Variants in SCHIP1 observed in about 807,000 individuals in gnomAD.
SCHIP1 encodes the protein schwannomin interacting protein 1, also known as schwannomin-interacting protein 1.
A neutral mutation model predicts 29.7 loss-of-function variants in SCHIP1; 8 were observed. The ratio of observed to expected loss-of-function variants is 0.27; its 90% confidence interval spans 0.16 to 0.49. SCHIP1 has a LOEUF of 0.49. SCHIP1 is among the 20% of genes least tolerant of loss of function. SCHIP1 has a pLI of 0.99. For synonymous variants in SCHIP1, 76 were observed against 94.9 expected (o/e 0.80, Z 1.16); for missense variants, 193 against 294.6 (o/e 0.66, Z 2.52).
chr3:159,379,730 T>A, the SCHIP1 span, among the ~76,000 whole-genome samples: 1 of 152,124 alleles, frequency 6.6e-6, no homozygotes, highest in South Asian at 2.1e-4. Flanking sequence ...GCAATGTTGA[T>A]CTCAACCACA....
chr3:159,849,342 A>T (rs1472198679), intron 1 of SCHIP1, among the ~76,000 whole-genome samples: 1 of 152,206 alleles, frequency 6.6e-6, no homozygotes, highest in African/African-American at 2.4e-5. Flanking sequence ...AAATTAAAGT[A>T]AAAAGATACT....
the SCHIP1 span, among the ~76,000 whole-genome samples, chr3:159,779,940 C>A: frequency 2.6e-5 from 4 of 151,916 alleles, no homozygotes; most frequent in African/African-American, 9.7e-5. Flanking sequence ...TTGGAAATAC[C>A]CTCCTCTATA....
chr3:159,584,839 T>C, the SCHIP1 span, among the ~76,000 whole-genome samples: 39 of 152,046 alleles, frequency 2.6e-4, no homozygotes, highest in African/African-American at 8.7e-4. Flanking sequence ...CCTAGGTAGT[T>C]TGCTCTCATC....
At chr3:159,845,242 A>G (rs1711623598) in intron 1 of SCHIP1, among the ~76,000 whole-genome samples, 1 of 152,076 alleles carries the variant, frequency 6.6e-6, no homozygotes, top group Non-Finnish European at 1.5e-5. Flanking sequence ...CTCAAATGCC[A>G]CCTCCTTCAG....
chr3:159,523,240 T>G, the SCHIP1 span, among the ~76,000 whole-genome samples: 1 of 152,242 alleles, frequency 6.6e-6, no homozygotes, highest in Non-Finnish European at 1.5e-5. Flanking sequence ...TCTCAATATT[T>G]TCAGATATCC....
the SCHIP1 span, among the ~76,000 whole-genome samples, chr3:159,289,136 C>T: frequency 2.6e-5 from 4 of 152,306 alleles, no homozygotes; most frequent in East Asian, 1.9e-4. Flanking sequence ...CCTAAGCCAC[C>T]GTCATCTCTC....
At chr3:159,360,473 C>T in the SCHIP1 span, among the ~76,000 whole-genome samples, 4 of 152,134 alleles carry the variant, frequency 2.6e-5, no homozygotes, top group East Asian at 1.9e-4. Context: ...AATCATTGGT[C>T]TTTTCTCTGT....
At chr3:159,642,860 G>A in the SCHIP1 span, among the ~76,000 whole-genome samples, 3 of 152,066 alleles carry the variant, frequency 2.0e-5, no homozygotes, top group South Asian at 4.1e-4. Context: ...AGAGTGTCAG[G>A]TCTACAGTGT....
chr3:159,426,158 CA>C, the SCHIP1 span, among the ~76,000 whole-genome samples: 4 of 152,086 alleles, frequency 2.6e-5, no homozygotes, highest in South Asian at 8.3e-4. Context: ...CAAACACATT[CA>C]AAAGCTAGCA....
At chr3:159,813,839 C>G in the SCHIP1 span, among the ~76,000 whole-genome samples, 3 of 152,030 alleles carry the variant, frequency 2.0e-5, no homozygotes, top group African/African-American at 7.3e-5. Flanking sequence ...TTATAGGTAC[C>G]AAGATAAAAC....
chr3:159,702,173 AC>A, the SCHIP1 span, among the ~76,000 whole-genome samples: 1 of 152,182 alleles, frequency 6.6e-6, no homozygotes, highest in South Asian at 2.1e-4. Flanking sequence ...TATTTTTAAA[AC>A]TTTTCTAGCT....
At chr3:159,444,440 C>T in the SCHIP1 span, among the ~76,000 whole-genome samples, 1 of 151,906 alleles carries the variant, frequency 6.6e-6, no homozygotes. Context: ...GAAATGGCAG[C>T]ACACAATCAG....
At chr3:159,770,001 G>T in the SCHIP1 span, among the ~76,000 whole-genome samples, 1 of 152,166 alleles carries the variant, frequency 6.6e-6, no homozygotes. Flanking sequence ...TGATTTCTAT[G>T]TTATAGATTA....
At chr3:159,467,532 C>A in the SCHIP1 span, among the ~76,000 whole-genome samples, 10 of 151,378 alleles carry the variant, frequency 6.6e-5, no homozygotes, top group African/African-American at 2.4e-4. Context: ...CCAGTCTTAA[C>A]TTTCATGAAT....
At chr3:159,860,170 T>A (rs1713885168) in intron 1 of SCHIP1, among the ~76,000 whole-genome samples, 1 of 152,168 alleles carries the variant, frequency 6.6e-6, no homozygotes, top group Non-Finnish European at 1.5e-5. Flanking sequence ...CCCATAATCC[T>A]TAGGAAGTTT....
the SCHIP1 span, among the ~76,000 whole-genome samples, chr3:159,419,809 T>C: frequency 6.6e-6 from 1 of 151,810 alleles, no homozygotes; most frequent in Non-Finnish European, 1.5e-5. Context: ...AACTCCATCT[T>C]AAGAAAAAAA....
At chr3:159,428,597 G>A in the SCHIP1 span, among the ~76,000 whole-genome samples, 1 of 151,170 alleles carries the variant, frequency 6.6e-6, no homozygotes, top group Non-Finnish European at 1.5e-5. Context: ...CACTGTTGGT[G>A]GGACTGTAAA....
intron 1 of SCHIP1, among the ~76,000 whole-genome samples, chr3:159,864,470 T>TACAC (rs58371525): frequency 0.069 from 9,583 of 139,822 alleles, 356 homozygotes; most frequent in African/African-American, 0.077. Flanking sequence ...ATGGCTGTAC[T>TACAC]ACACACACAC....
chr3:159,426,005 A>T, the SCHIP1 span, among the ~76,000 whole-genome samples: 1 of 152,198 alleles, frequency 6.6e-6, no homozygotes, highest in Admixed American at 6.5e-5. Context: ...AAGAACAAAG[A>T]CACAACATAC....
Sources: gnomAD v4.1 joint callset for allele counts (sites outside exome capture counted in the v4.1 genomes callset) on GRCh38, gnomAD v4.1.1 for gene constraint, MANE v1.5 for transcripts, NCBI Gene and HGNC (gene_info 2026-07-23, HGNC 2026-07-21) for gene names.